Variants in NECAB2 observed in about 807,000 individuals in gnomAD.
The protein encoded by NECAB2 is N-terminal EF-hand calcium-binding protein 2.
A neutral mutation model predicts 51.9 loss-of-function variants in NECAB2; 68 were observed. That is an observed-to-expected ratio of 1.31 (90% CI 1.08 to 1.60). The LOEUF (loss-of-function observed/expected upper bound fraction) is 1.60, where lower values mean the gene tolerates loss of function less well. Ranked by LOEUF, NECAB2 falls within the 40% of genes most tolerant of loss-of-function variation. The pLI is 0.00. For missense variants in NECAB2, 854 were observed against 490.3 expected (o/e 1.74, Z -7.00); for synonymous variants, 329 against 203.5 (o/e 1.62, Z -5.25).
rs751486899 is a variant in NECAB2 at position 83,998,336 on chromosome 16, C to T, written c.962+19C>T. 2.9e-5 allele frequency: 47 copies of T among 1,609,256 alleles called. No homozygotes were observed. The highest frequency in any genetic ancestry group is 3.3e-4 in the Middle Eastern group (2 of 6,064). ...GCTTCCAGTGAGTGAGCTGCCGAGGCGTGGGTGGGATGGTGGCAGGGAGCT... is the reference window on the plus strand; with the variant it reads ...GCTTCCAGTGAGTGAGCTGCCGAGGTGTGGGTGGGATGGTGGCAGGGAGCT... On this transcript the variant is annotated intron_variant, in intron 10 of 12. Coordinates refer to ENST00000305202, the MANE Select transcript of NECAB2 (RefSeq NM_019065.3).
upstream of NECAB2, among the ~76,000 whole-genome samples, chr16:83,966,498 G>C (rs1408867537): frequency 6.6e-6 from 1 of 152,190 alleles, no homozygotes; most frequent in East Asian, 1.9e-4. Flanking sequence ...GGTGCCCCAA[G>C]TGTGGGGGCA....
chr16:83,999,410 G>C (rs543046984), intron 10 of NECAB2, among the ~76,000 whole-genome samples: 1 of 152,172 alleles, frequency 6.6e-6, no homozygotes, highest in Non-Finnish European at 1.5e-5. Context: ...GAGGAGGCAC[G>C]GTGGACGTAG....
At chr16:83,999,513 T>C (rs1033312463) in intron 10 of NECAB2, among the ~76,000 whole-genome samples, 2 of 151,894 alleles carry the variant, frequency 1.3e-5, no homozygotes, top group Non-Finnish European at 2.9e-5. Flanking sequence ...TGCACGGAGG[T>C]GTGTCCACCC....
chr16:83,972,715 C>G (rs903413111), intron 2 of NECAB2, among the ~76,000 whole-genome samples: 1 of 152,294 alleles, frequency 6.6e-6, no homozygotes, highest in East Asian at 1.9e-4. Context: ...AGACCGGGGC[C>G]CTTTTCCCTT....
chr16:83,973,283 C>T (rs921474540), intron 2 of NECAB2, among the ~76,000 whole-genome samples: 1 of 152,256 alleles, frequency 6.6e-6, no homozygotes, highest in Non-Finnish European at 1.5e-5. Flanking sequence ...CTCCAGCACC[C>T]GCCTCATCCC....
intron 11 of NECAB2, among the ~76,000 whole-genome samples, chr16:84,001,255 TTTGTCCTCTGCTCAGCACAC>T (rs6145922): frequency 0.21 from 31,707 of 149,624 alleles, 6,746 homozygotes; most frequent in African/African-American, 0.58. Context: ...GCCTTAGGCC[TTTGTCCTCTGCTCAGCACAC>T]ATCTGGGAGA....
chr16:83,966,179 T>C (rs1407291603), upstream of NECAB2: 3 of 605,406 alleles, frequency 5.0e-6, no homozygotes, highest in South Asian at 4.4e-5. Context: ...TAGACCAGTG[T>C]CTGAGGTGGT....
chr16:83,983,988 A>G (rs2084519918), intron 5 of NECAB2, among the ~76,000 whole-genome samples: 1 of 144,486 alleles, frequency 6.9e-6, no homozygotes, highest in South Asian at 2.2e-4. Flanking sequence ...ACATATATAT[A>G]TATGGTGGTT....
intron 5 of NECAB2, among the ~76,000 whole-genome samples, chr16:83,989,647 C>T (rs1487455714): frequency 6.6e-6 from 1 of 152,134 alleles, no homozygotes; most frequent in South Asian, 2.1e-4. Flanking sequence ...TCATTTTCAT[C>T]ATCCCGTCCT....
At chr16:83,997,098 G>C in intron 8 of NECAB2, 118 bp from the exon 9 acceptor site, 1 of 1,196,272 alleles carries the variant, frequency 8.4e-7, no homozygotes, top group South Asian at 1.3e-5. Flanking sequence ...TCCCAGCCCT[G>C]TGCAACAGGG....
At chr16:83,965,533 C>T (rs572948594), upstream of NECAB2, 20 of 1,612,630 alleles carry the variant, frequency 1.2e-5, no homozygotes, top group African/African-American at 1.5e-4. Context: ...GGGCCGTGGA[C>T]GACCCTGGCC....
chr16:83,995,908 C>A (rs1217555631), intron 8 of NECAB2, among the ~76,000 whole-genome samples: 1 of 152,194 alleles, frequency 6.6e-6, no homozygotes, highest in African/African-American at 2.4e-5. Flanking sequence ...TCAGCGGGCG[C>A]CTCGGGAGGG....
intron 10 of NECAB2, among the ~76,000 whole-genome samples, chr16:83,998,629 C>T (rs747816543): frequency 3.9e-4 from 60 of 152,272 alleles, no homozygotes; most frequent in East Asian, 3.9e-4. Context: ...GTGAAGGGCT[C>T]CAGCTGGGCC....
At chr16:84,002,125 C>A (rs117124983) in intron 12 of NECAB2, among the ~76,000 whole-genome samples, 193 bp from the exon 13 acceptor site, 1 of 152,184 alleles carries the variant, frequency 6.6e-6, no homozygotes, top group Non-Finnish European at 1.5e-5. Context: ...ACCCCCTCCA[C>A]GGCCCCCTAC....
At chr16:83,990,450 C>T (rs377560176) in intron 5 of NECAB2, 44 bp from the exon 6 acceptor site, 4 of 1,606,348 alleles carry the variant, frequency 2.5e-6, no homozygotes, top group Non-Finnish European at 1.7e-6. Flanking sequence ...TCCAATTTCC[C>T]TCCCACCCCT....
At chr16:83,984,901 A>G (rs757866457) in intron 5 of NECAB2, among the ~76,000 whole-genome samples, 5 of 152,112 alleles carry the variant, frequency 3.3e-5, no homozygotes, top group African/African-American at 4.8e-5. Flanking sequence ...TTATTTATTT[A>G]TAGCTCCTAT....
intron 6 of NECAB2, among the ~76,000 whole-genome samples, chr16:83,992,552 A>G (rs376481697): frequency 1.3e-5 from 2 of 152,316 alleles, no homozygotes; most frequent in East Asian, 1.9e-4. Flanking sequence ...TTCCAGGCAG[A>G]GAGGTACCTC....
chr16:83,996,643 T>C (rs943275682), intron 8 of NECAB2, among the ~76,000 whole-genome samples: 2 of 152,138 alleles, frequency 1.3e-5, no homozygotes, highest in African/African-American at 4.8e-5. Context: ...CTTACATGGC[T>C]TTCGTGCCTT....
At chr16:83,968,155 C>T (rs1402401618), upstream of NECAB2, among the ~76,000 whole-genome samples, 3 of 151,340 alleles carry the variant, frequency 2.0e-5, no homozygotes, top group Admixed American at 2.0e-4. Flanking sequence ...CGCCCGCGGG[C>T]GTGACGGGGC....
Sources: allele counts gnomAD v4.1 joint callset (sites outside exome capture counted in the v4.1 genomes callset), GRCh38; gene constraint gnomAD v4.1.1; transcripts MANE v1.5; gene names NCBI Gene and HGNC (gene_info 2026-07-23, HGNC 2026-07-21).